PSPH: variants seen among roughly 807,000 people sequenced by gnomAD.
PSPH encodes the protein phosphoserine phosphatase.
In PSPH, 16 loss-of-function variants were observed where a neutral mutation model predicts 23.4. The ratio of observed to expected loss-of-function variants is 0.68; its 90% confidence interval spans 0.46 to 1.04. The LOEUF (loss-of-function observed/expected upper bound fraction) is 1.04, where lower values mean the gene tolerates loss of function less well. PSPH is among the 50% of genes least tolerant of loss of function. The pLI, the probability that PSPH is intolerant of heterozygous loss-of-function variation, is 0.00. For synonymous variants in PSPH, 68 were observed against 99.7 expected (o/e 0.68, Z 1.89); for missense variants, 223 against 273.7 (o/e 0.81, Z 1.31).
chr7:56,015,310 G>A, intron 6 of PSPH, 139 bp from the exon 7 acceptor site: 1 of 834,046 alleles, frequency 1.2e-6, no homozygotes, highest in Non-Finnish European at 2.0e-6. Context: ...ACAGCCTGGA[G>A]CTCCACACCT....
At chr7:56,042,535 C>T (rs1792682342) in intron 1 of PSPH, among the ~76,000 whole-genome samples, 1 of 151,936 alleles carries the variant, frequency 6.6e-6, no homozygotes, top group Admixed American at 6.6e-5. Context: ...CTTGTGGTCC[C>T]AGCTACACAG....
At chr7:56,022,940 T>C (rs113929926) in intron 3 of PSPH, among the ~76,000 whole-genome samples, 5,976 of 152,086 alleles carry the variant, frequency 0.039, 402 homozygotes, top group African/African-American at 0.14. Context: ...GCACCTGTAG[T>C]CCCAGCTTCT....
At chr7:56,012,627 A>G (rs776918337) in intron 7 of PSPH, among the ~76,000 whole-genome samples, 3 of 151,608 alleles carry the variant, frequency 2.0e-5, no homozygotes, top group Non-Finnish European at 4.4e-5. Context: ...AGCTAACAGT[A>G]AAAAGACTCA....
chr7:56,011,622 C>T lies in PSPH; in HGVS notation c.*140G>A. On this transcript the variant is annotated 3_prime_UTR_variant, in exon 8 of 8. Coordinates refer to ENST00000275605, the MANE Select transcript of PSPH (RefSeq NM_004577.4). The stretch of plus-strand genomic sequence containing the variant: ...AAAAAAAAGCAATCTTCTAGGATTC[C>T]TAACTGTAGTTTAAAGTACAGATCA... The T allele has an allele frequency of 1.6e-6, 1 of 611,730 alleles. No individual in the cohort carries two copies. The highest frequency in any genetic ancestry group is 2.9e-6 in the Non-Finnish European group (1 of 345,142). The allele number at this position is 611,730 out of a possible 1,614,324, so 37.9% of individuals were successfully genotyped here.
chr7:56,023,843 T>G (rs923131706), intron 3 of PSPH, among the ~76,000 whole-genome samples: 2 of 152,162 alleles, frequency 1.3e-5, no homozygotes, highest in African/African-American at 4.8e-5. Flanking sequence ...AACTATAGCT[T>G]GTAGGCCAAA....
intron 7 of PSPH, among the ~76,000 whole-genome samples, chr7:56,013,953 C>T (rs1417564142): frequency 1.3e-5 from 2 of 152,086 alleles, no homozygotes; most frequent in East Asian, 3.9e-4. Context: ...TATAGCATAA[C>T]TCTGCCTCTA....
At chr7:56,044,620 C>T (rs563744097) in intron 1 of PSPH, among the ~76,000 whole-genome samples, 42 of 152,182 alleles carry the variant, frequency 2.8e-4, no homozygotes, top group African/African-American at 1.0e-3. Context: ...ATAGGTCAAT[C>T]ATGGTGGCTG....
intron 1 of PSPH, among the ~76,000 whole-genome samples, chr7:56,039,141 T>C (rs1206075601): frequency 7.9e-6 from 1 of 127,016 alleles, no homozygotes; most frequent in Non-Finnish European, 1.6e-5. Flanking sequence ...AGAACAAAAC[T>C]CTGTCTCAAA....
At chr7:56,047,440 T>C (rs544172589) in intron 1 of PSPH, among the ~76,000 whole-genome samples, 3 of 151,760 alleles carry the variant, frequency 2.0e-5, no homozygotes, top group Admixed American at 2.0e-4. Context: ...ATTGTTATGA[T>C]GAAAAACAGA....
At chr7:56,034,922 G>C (rs926456220) in intron 1 of PSPH, among the ~76,000 whole-genome samples, 1 of 96,466 alleles carries the variant, frequency 1.0e-5, no homozygotes, top group Non-Finnish European at 2.3e-5. Flanking sequence ...AATAGAGATG[G>C]GGGGGGGTCT....
At chr7:56,032,906 C>T (rs944968823) in intron 2 of PSPH, among the ~76,000 whole-genome samples, 3 of 150,594 alleles carry the variant, frequency 2.0e-5, no homozygotes, top group South Asian at 2.1e-4. Context: ...ATGATTGCAC[C>T]GCTGCACTCT....
In PSPH at chr7:56,050,497, C is replaced by T. The variant is rs1410834980; in HGVS notation, c.-292+641G>A. Among the ~76,000 whole-genome samples the T allele has an allele frequency of 2.6e-5, 4 of 152,060 alleles. No homozygotes were observed. In the East Asian group the frequency reaches 5.8e-4, roughly 22 times the overall value. On this transcript the variant is annotated intron_variant, in intron 1 of 7. Transcript: ENST00000275605. ...CCCAGACTGGTCTTGAACTCCCGGG[C>T]ACAAGTGATGCCCCCGCCTCATCCT... is the stretch of plus-strand genomic sequence containing the variant.
rs561146171 is a variant in PSPH, at chr7:56,013,037, A to G, written c.571-1168T>C. 4.0e-5 allele frequency among the ~76,000 whole-genome samples: 6 copies of G among 150,342 alleles called. No homozygotes were observed. The East Asian group carries it at 9.8e-4, about 25-fold the overall frequency. On this transcript the variant is annotated intron_variant, in intron 7 of 7. Transcript: ENST00000275605. ...ATATACACACATATACTATATATGTATATATATACACACATATATGTATAT... is the reference window on the plus strand; with the variant it reads ...ATATACACACATATACTATATATGTGTATATATACACACATATATGTATAT...
chr7:56,035,099 G>C (rs1336078329), intron 1 of PSPH, among the ~76,000 whole-genome samples: 3 of 152,076 alleles, frequency 2.0e-5, no homozygotes, highest in African/African-American at 7.2e-5. Context: ...CCAGCACTTT[G>C]GGAGGCTGAG....
intron 1 of PSPH, among the ~76,000 whole-genome samples, chr7:56,038,416 G>A (rs897816041): frequency 2.0e-5 from 3 of 151,962 alleles, no homozygotes; most frequent in African/African-American, 4.8e-5. Flanking sequence ...CGGAGATCGC[G>A]CCACTGCACT....
At chr7:56,041,646 G>A (rs558398232) in intron 1 of PSPH, among the ~76,000 whole-genome samples, 4 of 151,950 alleles carry the variant, frequency 2.6e-5, no homozygotes, top group South Asian at 2.1e-4. Context: ...TGAGTGCGCC[G>A]GGCACGGTGG....
intron 1 of PSPH, among the ~76,000 whole-genome samples, chr7:56,036,790 C>T (rs1231051806): frequency 6.6e-6 from 1 of 151,968 alleles, no homozygotes; most frequent in Non-Finnish European, 1.5e-5. Flanking sequence ...TATATAGTTG[C>T]CTAGAAGACA....
chr7:56,032,158 G>A (rs1345021653), intron 2 of PSPH, 104 bp from the exon 3 acceptor site: 1 of 152,158 alleles, frequency 6.6e-6, no homozygotes, highest in Non-Finnish European at 1.5e-5. Context: ...CACAAAAATG[G>A]GTCAGAGGCA....
intron 1 of PSPH, among the ~76,000 whole-genome samples, chr7:56,045,375 A>C (rs1016262354): frequency 1.7e-4 from 26 of 152,138 alleles, no homozygotes; most frequent in African/African-American, 6.0e-4. Flanking sequence ...ATGATGGTGG[A>C]TCACTTGAGC....
Sources: allele counts gnomAD v4.1 joint callset (sites outside exome capture counted in the v4.1 genomes callset), GRCh38; gene constraint gnomAD v4.1.1; transcripts MANE v1.5; gene names NCBI Gene and HGNC (gene_info 2026-07-23, HGNC 2026-07-21).